INSL6: variants seen among roughly 807,000 people sequenced by gnomAD.
INSL6 encodes insulin-like peptide INSL6.
A neutral mutation model predicts 9.4 loss-of-function variants in INSL6; 16 were observed. The ratio of observed to expected loss-of-function variants is 1.70; its 90% confidence interval spans 1.15 to 2.59. INSL6 has a LOEUF of 2.59. Among genes scored for constraint, INSL6 ranks in the 30% most tolerant of loss-of-function variants. INSL6 has a pLI of 0.00. For synonymous variants in INSL6, 154 were observed against 96.9 expected (o/e 1.59, Z -3.46); for missense variants, 391 against 257.3 (o/e 1.52, Z -3.56).
At chr9:5,006,423 A>G in the INSL6 span, among the ~76,000 whole-genome samples, 1 of 152,172 alleles carries the variant, frequency 6.6e-6, no homozygotes, top group East Asian at 1.9e-4. Context: ...ATATACAATC[A>G]TGGTATATTC....
chr9:5,060,573 G>A, the INSL6 span, among the ~76,000 whole-genome samples: 2 of 152,130 alleles, frequency 1.3e-5, no homozygotes, highest in African/African-American at 2.4e-5. Context: ...ATTTTATCAT[G>A]AGATTGTAGC....
At chr9:5,177,225 G>A (rs985612371) in intron 1 of INSL6, among the ~76,000 whole-genome samples, 1 of 152,180 alleles carries the variant, frequency 6.6e-6, no homozygotes, top group Non-Finnish European at 1.5e-5. Flanking sequence ...TTGATCCAGA[G>A]AGAAAGAAGA....
At chr9:5,091,829 A>G in the INSL6 span, among the ~76,000 whole-genome samples, 2 of 152,108 alleles carry the variant, frequency 1.3e-5, no homozygotes, top group Admixed American at 1.3e-4. Flanking sequence ...AATGTCTATA[A>G]TGGGTACTTT....
rs185387818 is a variant in INSL6, at chr9:5,171,889, C to T, written c.290-7624G>A. 2.7e-3 allele frequency among the ~76,000 whole-genome samples: 416 copies of T among 152,234 alleles called. 4 individuals carry two copies. The highest frequency in any genetic ancestry group is 9.4e-3 in the African/African-American group (392 of 41,528). On this transcript the variant is annotated intron_variant, in intron 1 of 1. Transcript: ENST00000381641. The stretch of plus-strand genomic sequence containing the variant: ...GTTCATGGATAGGAAGAATCAATAT[C>T]GTGAAAATGGCCATCCTGCCCAAAG...
chr9:5,092,878 A>C, the INSL6 span, among the ~76,000 whole-genome samples: 1 of 152,186 alleles, frequency 6.6e-6, no homozygotes, highest in East Asian at 1.9e-4. Flanking sequence ...CTGTAAGTTT[A>C]ACTGTTAATC....
the INSL6 span, chr9:5,111,996 G>C: frequency 5.3e-6 from 2 of 374,334 alleles, no homozygotes. Context: ...GGGCCTGGGA[G>C]GGACGTCGCA....
chr9:5,033,419 A>G, the INSL6 span, among the ~76,000 whole-genome samples: 3 of 152,184 alleles, frequency 2.0e-5, no homozygotes, highest in Non-Finnish European at 4.4e-5. Context: ...GAGAAGAGCA[A>G]CTCCAACACA....
rs57869658 is a variant in INSL6 at position 5,153,141 on chromosome 9, G to GT, written c.376+11037dup. 5.8e-3 allele frequency among the ~76,000 whole-genome samples: 849 copies of GT among 146,218 alleles called. 2 individuals carry two copies. The highest frequency in any genetic ancestry group is 7.1e-3 in the Middle Eastern group (2 of 280). Reference sequence around the variant, plus strand: ...TTGGGCAGACACTGAGCTAGCTGCAGTTTTTTTTTTTTTCATACCCCAGTG... The same window carrying GT: ...TTGGGCAGACACTGAGCTAGCTGCAGTTTTTTTTTTTTTTCATACCCCAGTG... On this transcript the variant is annotated intron_variant, in intron 2 of 3. Coordinates refer to the INSL6 transcript ENST00000649639.
the INSL6 span, among the ~76,000 whole-genome samples, chr9:5,082,707 T>A: frequency 6.6e-6 from 1 of 152,236 alleles, no homozygotes; most frequent in African/African-American, 2.4e-5. Flanking sequence ...CCTGCGGCTT[T>A]CCGCAGTGCA....
At chr9:5,119,776 C>G (rs1033115931), downstream of INSL6, among the ~76,000 whole-genome samples, 8 of 151,974 alleles carry the variant, frequency 5.3e-5, no homozygotes, top group African/African-American at 1.9e-4. Context: ...TCCTCATGAT[C>G]AAAATTTTCA....
chr9:5,020,788 C>T, the INSL6 span, among the ~76,000 whole-genome samples: 1 of 152,052 alleles, frequency 6.6e-6, no homozygotes, highest in Non-Finnish European at 1.5e-5. Flanking sequence ...CCAGAGGCGG[C>T]AGCCAGCAAT....
chr9:5,135,026 G>C (rs1188606974), intron 2 of INSL6, among the ~76,000 whole-genome samples: 1 of 151,994 alleles, frequency 6.6e-6, no homozygotes, highest in Non-Finnish European at 1.5e-5. Flanking sequence ...AAAAAGCAGG[G>C]GTTGCAATCC....
intron 2 of INSL6, among the ~76,000 whole-genome samples, chr9:5,156,871 A>G (rs1824825959): frequency 6.6e-6 from 1 of 152,170 alleles, no homozygotes; most frequent in African/African-American, 2.4e-5. Flanking sequence ...AAAACATTAA[A>G]TTTTTAAAAT....
At position 5,182,468 on chromosome 9, in the gene INSL6, A is replaced by C. The variant is rs144113213; in HGVS notation, c.289+2846T>G. Among the ~76,000 whole-genome samples the C allele has an allele frequency of 3.5e-4, 54 of 152,182 alleles. No homozygotes were observed. The East Asian group carries it at 5.2e-3, about 15-fold the overall frequency. ...TGTAAATTATAATTTACTTATGTTA[A>C]TTGTCTATCTTTACTATTCTGTAGG... On this transcript the variant is annotated intron_variant, in intron 1 of 1. Transcript: ENST00000381641.
At chr9:5,139,027 A>G (rs1824438721) in intron 2 of INSL6, among the ~76,000 whole-genome samples, 1 of 152,162 alleles carries the variant, frequency 6.6e-6, no homozygotes, top group Non-Finnish European at 1.5e-5. Flanking sequence ...TTAAAACCAT[A>G]TGTTATATTA....
the INSL6 span, among the ~76,000 whole-genome samples, chr9:5,009,110 T>C: frequency 3.9e-5 from 6 of 152,192 alleles, no homozygotes; most frequent in Non-Finnish European, 7.4e-5. Flanking sequence ...AGAGCAGCAT[T>C]TTCTATAACA....
intron 2 of INSL6, among the ~76,000 whole-genome samples, chr9:5,135,441 C>A (rs1343041384): frequency 3.3e-5 from 5 of 152,130 alleles, no homozygotes; most frequent in Admixed American, 6.5e-5. Context: ...AGAGTGCAAT[C>A]AAATTAGAAC....
the INSL6 span, among the ~76,000 whole-genome samples, chr9:5,050,497 C>T: frequency 3.9e-5 from 6 of 152,252 alleles, no homozygotes; most frequent in South Asian, 2.1e-4. Flanking sequence ...TCTCAAACTC[C>T]TGGGCTCAAG....
chr9:5,095,428 A>G, the INSL6 span, among the ~76,000 whole-genome samples: 3 of 152,200 alleles, frequency 2.0e-5, no homozygotes, highest in Non-Finnish European at 4.4e-5. Flanking sequence ...AACTGCATCT[A>G]TAATTCTCAT....
Sources: gnomAD v4.1 joint callset for allele counts (sites outside exome capture counted in the v4.1 genomes callset) on GRCh38, gnomAD v4.1.1 for gene constraint, MANE v1.5 for transcripts, NCBI Gene and HGNC (gene_info 2026-07-23, HGNC 2026-07-21) for gene names.